GPC6: variants seen among roughly 807,000 people sequenced by gnomAD.
The protein encoded by GPC6 is glypican-6.
Under a neutral mutation model 55.2 loss-of-function variants are expected in GPC6, and 14 were observed. The observed-to-expected ratio is 0.25, with a 90% CI of 0.17 to 0.40. The LOEUF (loss-of-function observed/expected upper bound fraction) is 0.40. GPC6 is among the 10% of genes least tolerant of loss of function. The probability of loss-of-function intolerance (pLI) is 1.00; values close to 1 mark genes in which losing one functional copy is unlikely to be tolerated. For missense variants in GPC6, 641 were observed against 708.5 expected (o/e 0.90, Z 1.08); for synonymous variants, 278 against 259.6 (o/e 1.07, Z -0.68).
intron 1 of GPC6, among the ~76,000 whole-genome samples, chr13:93,323,009 T>A (rs1879511595): frequency 6.6e-6 from 1 of 152,086 alleles, no homozygotes; most frequent in Non-Finnish European, 1.5e-5. Flanking sequence ...TACTCTACTC[T>A]GCTACGTTTG....
chr13:93,775,295 T>C (rs1408121521), intron 2 of GPC6, among the ~76,000 whole-genome samples: 1 of 152,124 alleles, frequency 6.6e-6, no homozygotes, highest in Non-Finnish European at 1.5e-5. Context: ...GCACACTGCC[T>C]CCTGGCATTC....
At chr13:94,061,399 G>A (rs373983991) in intron 4 of GPC6, among the ~76,000 whole-genome samples, 106 of 152,292 alleles carry the variant, frequency 7.0e-4, no homozygotes, top group African/African-American at 2.5e-3. Flanking sequence ...GGCCAGATTT[G>A]CAGTGATTTG....
rs115757189 is a variant in GPC6, at chr13:93,807,247, G to A, written c.320-22907G>A. The stretch of plus-strand genomic sequence containing the variant: ...TAGAGGAACAAGAAACAATTAAAAT[G>A]TAAGTAGCTCCTGCTGTTACAGGTG... On this transcript the variant is annotated intron_variant, in intron 2 of 8. Transcript: ENST00000377047. Among the ~76,000 whole-genome samples, 489 of 152,268 alleles carry A rather than the reference G, an allele frequency of 3.2e-3. 3 individuals are homozygous for A. Among genetic ancestry groups the A allele is most frequent in the African/African-American group, 9.2e-3 (384 of 41,552 alleles).
chr13:93,976,387 G>T (rs1463395444), intron 3 of GPC6, among the ~76,000 whole-genome samples: 3 of 151,470 alleles, frequency 2.0e-5, no homozygotes, highest in African/African-American at 7.3e-5. Flanking sequence ...CAATTGAGGA[G>T]GTTTTGAAAA....
At chr13:94,305,919 T>C in intron 5 of GPC6, 61 bp from the exon 6 acceptor site, 1 of 1,520,924 alleles carries the variant, frequency 6.6e-7, no homozygotes, top group Non-Finnish European at 9.1e-7. Flanking sequence ...ACATTTCTGC[T>C]TCATGAATTT....
At chr13:93,458,539 T>C (rs1030273936) in intron 1 of GPC6, among the ~76,000 whole-genome samples, 23 of 152,086 alleles carry the variant, frequency 1.5e-4, no homozygotes, top group Admixed American at 1.4e-3. Flanking sequence ...CTGAAGCAAA[T>C]AATGGATAGA....
chr13:93,889,889 A>G (rs2140316835), intron 3 of GPC6, among the ~76,000 whole-genome samples: 2 of 152,116 alleles, frequency 1.3e-5, no homozygotes, highest in South Asian at 4.2e-4. Context: ...CTACCAACAA[A>G]CCACACATTT....
intron 4 of GPC6, among the ~76,000 whole-genome samples, chr13:94,132,882 A>G (rs188330799): frequency 6.6e-6 from 1 of 152,318 alleles, no homozygotes; most frequent in East Asian, 1.9e-4. Flanking sequence ...TCTAGCATTT[A>G]ATAAGTATAG....
chr13:93,358,701 T>C (rs993160573), intron 1 of GPC6, among the ~76,000 whole-genome samples: 2 of 152,138 alleles, frequency 1.3e-5, no homozygotes, highest in East Asian at 3.9e-4. Context: ...AAAGAAAAAA[T>C]TTTGGAAGAT....
chr13:93,642,548 C>T (rs1387938507), intron 2 of GPC6, among the ~76,000 whole-genome samples: 2 of 151,906 alleles, frequency 1.3e-5, no homozygotes, highest in African/African-American at 2.4e-5. Context: ...GTAGTTCAAC[C>T]CTTAGTTCTT....
chr13:93,616,216 G>A (rs1878713517), intron 2 of GPC6, among the ~76,000 whole-genome samples: 1 of 151,892 alleles, frequency 6.6e-6, no homozygotes, highest in South Asian at 2.1e-4. Context: ...CAGCTAACTA[G>A]CACATTCAAA....
At chr13:93,231,383 ATATATATATATAT>A (rs1876034312) in intron 1 of GPC6, among the ~76,000 whole-genome samples, 3 of 19,296 alleles carry the variant, frequency 1.6e-4, no homozygotes, top group African/African-American at 3.8e-4. Context: ...ATATATACAT[ATATATATATATAT>A]GTATATATAT....
intron 1 of GPC6, among the ~76,000 whole-genome samples, chr13:93,419,549 A>C (rs1876846749): frequency 6.6e-6 from 1 of 152,056 alleles, no homozygotes; most frequent in Non-Finnish European, 1.5e-5. Context: ...TTGAAGTGAG[A>C]TTTCTATGAA....
At chr13:94,308,771 A>G (rs117687467) in intron 6 of GPC6, among the ~76,000 whole-genome samples, 1 of 152,344 alleles carries the variant, frequency 6.6e-6, no homozygotes, top group East Asian at 1.9e-4. Flanking sequence ...CCTGAGAACA[A>G]GGCACTGTTT....
chr13:94,282,895 C>G (rs772272453), intron 4 of GPC6, among the ~76,000 whole-genome samples: 1 of 152,202 alleles, frequency 6.6e-6, no homozygotes, highest in Non-Finnish European at 1.5e-5. Context: ...ATTCAGAGGA[C>G]AGGACATAAA....
At chr13:93,543,252 A>C (rs1402127701) in intron 1 of GPC6, among the ~76,000 whole-genome samples, 1 of 152,162 alleles carries the variant, frequency 6.6e-6, no homozygotes, top group African/African-American at 2.4e-5. Flanking sequence ...GAATTTTGTC[A>C]AAGGCCTTTT....
At chr13:93,451,458 G>C (rs1476524558) in intron 1 of GPC6, among the ~76,000 whole-genome samples, 1 of 152,178 alleles carries the variant, frequency 6.6e-6, no homozygotes, top group African/African-American at 2.4e-5. Context: ...TAAATGGTTG[G>C]GGGAGGGGAA....
At chr13:93,380,461 A>T (rs1253190882) in intron 1 of GPC6, among the ~76,000 whole-genome samples, 1 of 152,190 alleles carries the variant, frequency 6.6e-6, no homozygotes, top group Admixed American at 6.5e-5. Context: ...TGATGCGTAA[A>T]GAGAAGCTTC....
intron 4 of GPC6, among the ~76,000 whole-genome samples, chr13:94,091,341 GAAAC>G (rs10608521): frequency 0.79 from 120,060 of 151,566 alleles, 47,880 homozygotes; most frequent in South Asian, 0.88. Context: ...TTATTTAACT[GAAAC>G]AAACAAAGAA....
Sources: gnomAD v4.1 joint callset for allele counts (sites outside exome capture counted in the v4.1 genomes callset) on GRCh38, gnomAD v4.1.1 for gene constraint, MANE v1.5 for transcripts, NCBI Gene and HGNC (gene_info 2026-07-23, HGNC 2026-07-21) for gene names.